The following CLCC1 variants were observed in gnomAD, a reference collection of about 807,000 sequenced individuals.
CLCC1 encodes chloride channel CLIC-like protein 1.
In CLCC1, 39 loss-of-function variants were observed where a neutral mutation model predicts 63.3. That is an observed-to-expected ratio of 0.62 (90% CI 0.48 to 0.81). CLCC1 has a LOEUF of 0.81. Ranked by LOEUF, CLCC1 falls within the 30% of genes least tolerant of loss-of-function variation. The pLI, the probability that CLCC1 is intolerant of heterozygous loss-of-function variation, is 0.00. For synonymous variants in CLCC1, 217 were observed against 239.8 expected (o/e 0.90, Z 0.88); for missense variants, 549 against 669.4 (o/e 0.82, Z 1.98).
Position 108,931,368 on chromosome 1 carries a change from A to C in CLCC1, c.*1179T>G. 6.4e-7 allele frequency: 1 copy of C among 1,551,172 alleles called. No homozygotes were observed. Among genetic ancestry groups the C allele is most frequent in the African/African-American group, 1.4e-5 (1 of 73,172 alleles). ...ACAAAGTAACTAACTAACTGTAGCA[A>C]AAGACAAGTATGGGACAGACTGGGA... On this transcript the variant is annotated 3_prime_UTR_variant, in exon 13 of 13. Coordinates refer to ENST00000369969, the MANE Select transcript of CLCC1 (RefSeq NM_001377458.1).
rs7553836 is a variant in CLCC1 at position 108,952,597 on chromosome 1, G to A, written c.-11-2149C>T. On this transcript the variant is annotated intron_variant, in intron 2 of 12. Transcript: ENST00000369969. ...GCGGATTACTTGAGGCCAGGAGTTC[G>A]AGAGCAGCCTGGCCAACAAGTTGAA... Among the ~76,000 whole-genome samples, 8 of 146,158 alleles carry A rather than the reference G, an allele frequency of 5.5e-5. No individual in the cohort carries two copies. The East Asian group carries it at 5.8e-4, about 11-fold the overall frequency.
At position 108,931,630 on chromosome 1, in the gene CLCC1, A is replaced by AAG; in HGVS notation, c.*916_*917insCT. On this transcript the variant is annotated 3_prime_UTR_variant, in exon 13 of 13. Transcript: ENST00000369969. ...ATTAATTACATTAAGTGCTCAGCTA[A>AAG]AAAAAAAAAAAAAGTTCTAAATTAC... is the stretch of plus-strand genomic sequence containing the variant. 2.0e-5 allele frequency: 15 copies of AAG among 732,770 alleles called. No homozygotes were observed. The highest frequency in any genetic ancestry group is 2.8e-5 in the Non-Finnish European group (15 of 544,014). 45.4% of individuals were successfully genotyped at this position (732,770 alleles called of 1,614,324 possible).
chr1:108,950,658 G>C (rs1426188420), intron 2 of CLCC1, among the ~76,000 whole-genome samples: 1 of 151,724 alleles, frequency 6.6e-6, no homozygotes, highest in Non-Finnish European at 1.5e-5. Context: ...ACAGGTGTGT[G>C]CCACCACACC....
Position 108,931,467 on chromosome 1 carries a change from TGCTTCAGACTGTGCACA to T in CLCC1, c.*1063_*1079del. The T allele has an allele frequency of 6.4e-7, 1 of 1,550,764 alleles. No individual in the cohort carries two copies. Among genetic ancestry groups the T allele is most frequent in the Non-Finnish European group, 8.7e-7 (1 of 1,147,036 alleles). ...AGTTGCCAACTTGTTTCACTCTGCTTGCTTCAGACTGTGCACAGCTGGGATGGGATCTGGGGATGTGG... is the reference window on the plus strand; with the variant it reads ...AGTTGCCAACTTGTTTCACTCTGCTTGCTGGGATGGGATCTGGGGATGTGG... On this transcript the variant is annotated 3_prime_UTR_variant, in exon 13 of 13. Transcript: ENST00000369969.
chr1:108,931,297 G>A lies in CLCC1; in HGVS notation c.*1250C>T. On this transcript the variant is annotated 3_prime_UTR_variant, in exon 13 of 13. Transcript: ENST00000369969. ...AGAACCTTAGTTGTCATTAAGCTTTGTCTTCCTTATCCCAGATATTGAAGG... is the reference window on the plus strand; with the variant it reads ...AGAACCTTAGTTGTCATTAAGCTTTATCTTCCTTATCCCAGATATTGAAGG... The A allele has an allele frequency of 6.5e-7, 1 of 1,531,508 alleles. No homozygotes were observed. Among genetic ancestry groups the A allele is most frequent in the East Asian group, 2.5e-5 (1 of 40,566 alleles). The allele number at this position is 1,531,508 out of a possible 1,614,324, so 94.9% of individuals were successfully genotyped here. A position where few individuals can be genotyped will look rare whatever the true frequency, so the allele number is the denominator to read the frequency against.
intron 12 of CLCC1, chr1:108,934,371 T>C (rs1652527243): frequency 6.0e-6 from 2 of 335,106 alleles, no homozygotes; most frequent in Non-Finnish European, 1.1e-5. Context: ...CAATTCAAAC[T>C]GGCCTCCTTA....
At chr1:108,932,804 G>A (rs1163814360) in intron 12 of CLCC1, 1 of 152,214 alleles carries the variant, frequency 6.6e-6, no homozygotes, top group African/African-American at 2.4e-5. Flanking sequence ...CATGTCCTCT[G>A]TGTTAAAAAT....
chr1:108,935,156 T>C (rs952960953), intron 11 of CLCC1, among the ~76,000 whole-genome samples: 6 of 152,228 alleles, frequency 3.9e-5, no homozygotes, highest in African/African-American at 1.4e-4. Context: ...TTAGCGCATA[T>C]ACTGGGTGGT....
intron 2 of CLCC1, among the ~76,000 whole-genome samples, chr1:108,956,554 G>A (rs1271176814): frequency 2.0e-5 from 3 of 150,596 alleles, no homozygotes; most frequent in Admixed American, 6.6e-5. Context: ...CCAGCTACTC[G>A]GGAGGCTGAG....
At chr1:108,943,637 A>T (rs879236466) in intron 6 of CLCC1, 22 bp from the exon 7 acceptor site, 2 of 1,612,608 alleles carry the variant, frequency 1.2e-6, no homozygotes, top group South Asian at 2.2e-5. Flanking sequence ...GAGAAGCAGA[A>T]ATCAGCCACC....
intron 2 of CLCC1, among the ~76,000 whole-genome samples, chr1:108,953,820 G>A (rs1043827663): frequency 1.3e-5 from 2 of 151,956 alleles, no homozygotes; most frequent in Admixed American, 1.3e-4. Flanking sequence ...AGACCAGCCT[G>A]ACCAACATGG....
rs990035300 is a variant in CLCC1, at chr1:108,963,346, A to G, written c.-173+15T>C. The G allele has an allele frequency of 5.7e-6, 4 of 702,024 alleles. No individual in the cohort carries two copies. The highest frequency in any genetic ancestry group is 7.8e-6 in the Non-Finnish European group (3 of 384,670). 43.5% of individuals were successfully genotyped at this position (702,024 alleles called of 1,614,324 possible). ...CCCCACCCGCCGCACAACACACCCA[A>G]CTGCACGGACTCACGTCCGGGATCC... On this transcript the variant is annotated intron_variant, in intron 1 of 12. Transcript: ENST00000369969.
chr1:108,943,529 AAC>A lies in CLCC1; in HGVS notation c.646_647del (p.Val216PhefsTer18). 6.2e-7 allele frequency: 1 copy of A among 1,614,202 alleles called. No individual in the cohort carries two copies. Among genetic ancestry groups the A allele is most frequent in the Non-Finnish European group, 8.5e-7 (1 of 1,180,012 alleles). On this transcript the variant is annotated frameshift_variant, in exon 7 of 13. Transcript: ENST00000369969. LOFTEE classifies it high-confidence loss of function. ...AACTGAACAGAAAGCTGATGATTAA[AAC>A]ACGTCTCAACTGAGTGTACCAACGT... Reference protein sequence around the residue: ...YVRWYTQLRRVLIISFLFSLG... With the variant: ...YVRWYTQLRRXLIISFLFSLG...
intron 10 of CLCC1, among the ~76,000 whole-genome samples, chr1:108,938,973 G>A (rs1448138980): frequency 6.6e-6 from 1 of 151,756 alleles, no homozygotes; most frequent in African/African-American, 2.4e-5. Context: ...GGGCAGAGGG[G>A]AGGAAAAAAA....
Position 108,931,628 on chromosome 1 carries a change from T to TA in CLCC1, c.*918dup, listed in dbSNP as rs71593448. The TA allele has an allele frequency of 0.072, 57,674 of 805,808 alleles. 44 individuals are homozygous for TA. The highest frequency in any genetic ancestry group is 0.077 in the Non-Finnish European group (45,202 of 589,298). 49.9% of individuals were successfully genotyped at this position (805,808 alleles called of 1,614,324 possible). On this transcript the variant is annotated 3_prime_UTR_variant, in exon 13 of 13. Coordinates refer to ENST00000369969, the MANE Select transcript of CLCC1 (RefSeq NM_001377458.1). The stretch of plus-strand genomic sequence containing the variant: ...GAATTAATTACATTAAGTGCTCAGC[T>TA]AAAAAAAAAAAAAAAGTTCTAAATT...
At chr1:108,957,207 A>G (rs945052427) in intron 2 of CLCC1, among the ~76,000 whole-genome samples, 3 of 151,568 alleles carry the variant, frequency 2.0e-5, no homozygotes, top group African/African-American at 7.4e-5. Context: ...ACCAGCTAAT[A>G]GGTCACTAGG....
At chr1:108,940,854 C>G (rs1428950564) in intron 8 of CLCC1, among the ~76,000 whole-genome samples, 1 of 152,136 alleles carries the variant, frequency 6.6e-6, no homozygotes, top group Non-Finnish European at 1.5e-5. Flanking sequence ...CATGGACTTG[C>G]ATTTATAAAA....
rs116514040 is a variant in CLCC1 at position 108,963,407 on chromosome 1, C to G, written c.-219G>C. 0.015 allele frequency: 10,836 copies of G among 702,456 alleles called. 127 individuals carry two copies. Among genetic ancestry groups the G allele is most frequent in the Non-Finnish European group, 0.021 (8,165 of 384,890 alleles). The allele number at this position is 702,456 out of a possible 1,614,324, so 43.5% of individuals were successfully genotyped here. A position where few individuals can be genotyped will look rare whatever the true frequency, so the allele number is the denominator to read the frequency against. ...TCTCGAGGAAGACACCTGCCCAGGCCGGCCGCAGAAGAGGTCGCACAGCTT... is the reference window on the plus strand; with the variant it reads ...TCTCGAGGAAGACACCTGCCCAGGCGGGCCGCAGAAGAGGTCGCACAGCTT... On this transcript the variant is annotated 5_prime_UTR_variant, in exon 1 of 13. Coordinates refer to ENST00000369969, the MANE Select transcript of CLCC1 (RefSeq NM_001377458.1).
At chr1:108,958,824 G>C (rs1474850727) in intron 2 of CLCC1, among the ~76,000 whole-genome samples, 1 of 150,914 alleles carries the variant, frequency 6.6e-6, no homozygotes, top group Non-Finnish European at 1.5e-5. Flanking sequence ...AGGTTGTAGT[G>C]AGCCAAGATT....
Sources: gnomAD v4.1 joint callset for allele counts (sites outside exome capture counted in the v4.1 genomes callset) on GRCh38, gnomAD v4.1.1 for gene constraint, MANE v1.5 for transcripts, NCBI Gene and HGNC (gene_info 2026-07-23, HGNC 2026-07-21) for gene names.